The following DCC variants were observed in gnomAD, a reference collection of about 807,000 sequenced individuals.
The protein encoded by DCC is DCC netrin 1 receptor.
In DCC, 58 loss-of-function variants were observed where a neutral mutation model predicts 172.5. That is an observed-to-expected ratio of 0.34 (90% CI 0.27 to 0.42). DCC has a LOEUF of 0.42. Ranked by LOEUF, DCC falls within the 10% of genes least tolerant of loss-of-function variation. The probability of loss-of-function intolerance (pLI) is 1.00; values close to 1 mark genes in which losing one functional copy is unlikely to be tolerated. For missense variants in DCC, 1,740 were observed against 1,791.0 expected (o/e 0.97, Z 0.51); for synonymous variants, 709 against 644.5 (o/e 1.10, Z -1.52).
chr18:53,094,688 C>A (rs2043060360), intron 7 of DCC, among the ~76,000 whole-genome samples: 1 of 152,162 alleles, frequency 6.6e-6, no homozygotes, highest in Non-Finnish European at 1.5e-5. Context: ...AGAGATGGAG[C>A]AGAGAGACCA....
At chr18:52,777,468 CTG>C (rs35450053) in intron 2 of DCC, among the ~76,000 whole-genome samples, 8,045 of 152,284 alleles carry the variant, frequency 0.053, 287 homozygotes, top group South Asian at 0.16. Context: ...AAATTCCCAT[CTG>C]TGTGTCTCAC....
intron 1 of DCC, among the ~76,000 whole-genome samples, chr18:52,587,447 C>T (rs1280306188): frequency 6.6e-6 from 1 of 152,236 alleles, no homozygotes; most frequent in East Asian, 1.9e-4. Context: ...TTGGTGAGCA[C>T]TCATGTGGGA....
chr18:53,049,715 T>C (rs966463519), intron 5 of DCC, among the ~76,000 whole-genome samples: 37 of 152,214 alleles, frequency 2.4e-4, no homozygotes, highest in Non-Finnish European at 1.0e-4. Context: ...AGTTTTTTTT[T>C]CTAAGTCTGT....
chr18:53,193,018 C>T (rs1170391471), intron 9 of DCC, among the ~76,000 whole-genome samples: 3 of 152,112 alleles, frequency 2.0e-5, no homozygotes, highest in African/African-American at 4.8e-5. Context: ...AATCCCTGCC[C>T]TTCTTTTCAT....
chr18:52,557,225 C>A (rs2032937303), intron 1 of DCC, among the ~76,000 whole-genome samples: 1 of 152,204 alleles, frequency 6.6e-6, no homozygotes, highest in Non-Finnish European at 1.5e-5. Flanking sequence ...TATGGTTATT[C>A]ATATCACAAG....
chr18:53,190,559 C>T (rs2055351704), intron 9 of DCC, among the ~76,000 whole-genome samples: 1 of 150,276 alleles, frequency 6.7e-6, no homozygotes, highest in South Asian at 2.1e-4. Context: ...ACATTAATTA[C>T]CTTTTGATAA....
intron 13 of DCC, among the ~76,000 whole-genome samples, chr18:53,312,153 C>CA (rs895203731): frequency 0.025 from 680 of 26,678 alleles, 2 homozygotes; most frequent in African/African-American, 0.038. Flanking sequence ...GCTAAAAATA[C>CA]AAAAAAAAAA....
intron 21 of DCC, among the ~76,000 whole-genome samples, chr18:53,429,041 T>G (rs1282506050): frequency 2.7e-5 from 1 of 36,690 alleles, no homozygotes; most frequent in African/African-American, 6.1e-5. Context: ...ATATATATTT[T>G]ATATATAATA....
chr18:52,515,431 C>T (rs1179846780), intron 1 of DCC, among the ~76,000 whole-genome samples: 2 of 150,902 alleles, frequency 1.3e-5, no homozygotes, highest in African/African-American at 2.4e-5. Flanking sequence ...CACGGTAAAA[C>T]CCTGTCTCTA....
At chr18:52,450,896 A>G (rs1988283552) in intron 1 of DCC, among the ~76,000 whole-genome samples, 1 of 152,246 alleles carries the variant, frequency 6.6e-6, no homozygotes, top group Non-Finnish European at 1.5e-5. Flanking sequence ...AAAAAAGTAT[A>G]TTAATAATTC....
chr18:53,019,680 G>C (rs76643958), intron 5 of DCC, among the ~76,000 whole-genome samples: 15 of 152,100 alleles, frequency 9.9e-5, no homozygotes, highest in Admixed American at 9.8e-4. Flanking sequence ...TTTTTAGACC[G>C]GGAATTGGCA....
chr18:53,264,326 A>G (rs2056642392), intron 12 of DCC, among the ~76,000 whole-genome samples: 1 of 151,948 alleles, frequency 6.6e-6, no homozygotes, highest in African/African-American at 2.4e-5. Flanking sequence ...ATTTCCATTA[A>G]AAATGCAAAA....
At chr18:53,250,595 C>G (rs2056417861) in intron 12 of DCC, among the ~76,000 whole-genome samples, 1 of 150,268 alleles carries the variant, frequency 6.7e-6, no homozygotes, top group African/African-American at 2.5e-5. Context: ...GAAGATACAT[C>G]CTTCCTAGTG....
chr18:53,048,502 T>A (rs2042289693), intron 5 of DCC, among the ~76,000 whole-genome samples: 2 of 144,034 alleles, frequency 1.4e-5, no homozygotes, highest in South Asian at 4.2e-4. Context: ...TGTGTGTGTG[T>A]GTGTGTGTGT....
At chr18:53,295,620 A>G (rs1431184) in intron 12 of DCC, among the ~76,000 whole-genome samples, 5,507 of 152,256 alleles carry the variant, frequency 0.036, 345 homozygotes, top group African/African-American at 0.12. Context: ...GTTCTGAATG[A>G]TGAAATTTGA....
chr18:52,647,844 G>A (rs1176753641), intron 1 of DCC, among the ~76,000 whole-genome samples: 1 of 152,168 alleles, frequency 6.6e-6, no homozygotes, highest in Admixed American at 6.5e-5. Flanking sequence ...GTATTAGCAG[G>A]GAATCTGGGG....
chr18:52,634,805 T>G (rs1598973234), intron 1 of DCC, among the ~76,000 whole-genome samples: 1 of 152,300 alleles, frequency 6.6e-6, no homozygotes, highest in East Asian at 1.9e-4. Flanking sequence ...TGTCCATCTC[T>G]GAGGTGCAGA....
Position 53,370,202 on chromosome 18 carries a change from T to C in DCC, c.2360-15841T>C, listed in dbSNP as rs187250297. On this transcript the variant is annotated intron_variant, in intron 15 of 28. Transcript: ENST00000442544. Reference sequence around the variant, plus strand: ...GGTTGGTAGTATGTTTGTAGGAATGTGTCCATTTTATCTTTGTTATCCGAT... The same window carrying C: ...GGTTGGTAGTATGTTTGTAGGAATGCGTCCATTTTATCTTTGTTATCCGAT... Among the ~76,000 whole-genome samples the C allele has an allele frequency of 2.6e-5, 4 of 151,974 alleles. No individual in the cohort carries two copies. The South Asian group carries it at 6.2e-4, about 24-fold the overall frequency.
At chr18:52,376,501 G>A (rs1424211732) in intron 1 of DCC, among the ~76,000 whole-genome samples, 1 of 152,090 alleles carries the variant, frequency 6.6e-6, no homozygotes, top group Non-Finnish European at 1.5e-5. Context: ...GTGTGTGTGT[G>A]TGTGTGTATA....
Sources: allele counts gnomAD v4.1 joint callset (sites outside exome capture counted in the v4.1 genomes callset), GRCh38; gene constraint gnomAD v4.1.1; transcripts MANE v1.5; gene names NCBI Gene and HGNC (gene_info 2026-07-23, HGNC 2026-07-21).